Variants in ARID5B observed in about 807,000 individuals in gnomAD.
ARID5B encodes the protein AT-rich interactive domain-containing protein 5B.
Under a neutral mutation model 97.2 loss-of-function variants are expected in ARID5B, and 13 were observed. The ratio of observed to expected loss-of-function variants is 0.13; its 90% CI spans 0.09 to 0.21. The LOEUF (loss-of-function observed/expected upper bound fraction) is 0.21. Among genes scored for constraint, ARID5B ranks in the 10% least tolerant of loss-of-function variants. The pLI is 1.00. For missense variants in ARID5B, 1,210 were observed against 1,465.3 expected (o/e 0.83, Z 2.84); for synonymous variants, 556 against 570.3 (o/e 0.97, Z 0.36).
At chr10:61,940,857 G>T (rs1190728860) in intron 3 of ARID5B, among the ~76,000 whole-genome samples, 2 of 136,398 alleles carry the variant, frequency 1.5e-5, no homozygotes, top group East Asian at 4.6e-4. Flanking sequence ...CAAGCCAGGG[G>T]ATCCACTGGT....
At chr10:61,946,793 C>T (rs972858583) in intron 3 of ARID5B, among the ~76,000 whole-genome samples, 8 of 152,044 alleles carry the variant, frequency 5.3e-5, no homozygotes, top group Admixed American at 2.0e-4. Flanking sequence ...TGGTGGCATG[C>T]GCCTGTAGTC....
At chr10:61,912,072 C>T (rs1389144985) in intron 2 of ARID5B, among the ~76,000 whole-genome samples, 3 of 152,128 alleles carry the variant, frequency 2.0e-5, no homozygotes, top group South Asian at 2.1e-4. Context: ...ATGTGAAAAT[C>T]GACTCCATTG....
intron 3 of ARID5B, among the ~76,000 whole-genome samples, chr10:61,976,494 G>T (rs1838700443): frequency 6.6e-6 from 1 of 152,138 alleles, no homozygotes; most frequent in Non-Finnish European, 1.5e-5. Context: ...TCAGGAAATT[G>T]GTGTTTGGAT....
At chr10:62,066,633 T>A (rs920514053) in intron 7 of ARID5B, among the ~76,000 whole-genome samples, 1 of 152,170 alleles carries the variant, frequency 6.6e-6, no homozygotes. Flanking sequence ...GATGTTGGCT[T>A]CCTGTGGCTA....
At chr10:62,012,071 A>G (rs926136823) in intron 4 of ARID5B, among the ~76,000 whole-genome samples, 3 of 152,184 alleles carry the variant, frequency 2.0e-5, no homozygotes, top group African/African-American at 7.2e-5. Context: ...TTATGAAGTT[A>G]TTTCTATTAC....
intron 4 of ARID5B, among the ~76,000 whole-genome samples, chr10:62,027,285 C>CTTTTTTTTTTT (rs777291593): frequency 7.4e-5 from 5 of 67,370 alleles, no homozygotes; most frequent in Non-Finnish European, 1.4e-4. Flanking sequence ...ACAGTATCTC[C>CTTTTTTTTTTT]TTTTTTTTTT....
chr10:62,070,468 T>A (rs971166680), intron 8 of ARID5B, among the ~76,000 whole-genome samples: 7 of 152,258 alleles, frequency 4.6e-5, no homozygotes, highest in African/African-American at 1.7e-4. Flanking sequence ...ATTATCCCTC[T>A]ATGCTTCAAG....
Position 61,902,314 on chromosome 10 carries a change from G to C in ARID5B, c.177G>C (p.Leu59=). 6.2e-7 allele frequency: 1 copy of C among 1,614,148 alleles called. No individual in the cohort carries two copies. Among genetic ancestry groups the C allele is most frequent in the Non-Finnish European group, 8.5e-7 (1 of 1,180,034 alleles). Residue 59 remains leucine (L), a synonymous_variant, in exon 2 of 10, where the codon CTG becomes CTC. Coordinates refer to ENST00000279873, the MANE Select transcript of ARID5B (RefSeq NM_032199.3). ...CGATTTGCATAGCGGAGCTCCAGCTGTTGTGGGAAGAGAGGACCAGCCGGC... is the reference window on the plus strand; with the variant it reads ...CGATTTGCATAGCGGAGCTCCAGCTCTTGTGGGAAGAGAGGACCAGCCGGC... The part of the protein sequence containing the change: ...KDPICIAELQ[L]LWEERTSRQL...
At position 61,948,380 on chromosome 10, in the gene ARID5B, A is replaced by ATTTTTTTTTTTTTT. The variant is rs71470784; in HGVS notation, c.502+7979_502+7992dup. On this transcript the variant is annotated intron_variant, in intron 3 of 9. Transcript: ENST00000279873. Reference sequence around the variant, plus strand: ...CTTATCTTAGGATACACTTTAGGTAATTTTTTTTTTTTTTTTTTTTGAGAT... The same window carrying ATTTTTTTTTTTTTT: ...CTTATCTTAGGATACACTTTAGGTAATTTTTTTTTTTTTTTTTTTTTTTTTTTTTTTTTTGAGAT... Among the ~76,000 whole-genome samples the ATTTTTTTTTTTTTT allele has an allele frequency of 1.7e-3, 147 of 86,172 alleles. 11 individuals carry two copies. The highest frequency in any genetic ancestry group is 2.3e-3 in the Non-Finnish European group (103 of 45,628). The allele number at this position is 86,172 out of a possible 152,430, so 56.5% of individuals were successfully genotyped here. A position where few individuals can be genotyped will look rare whatever the true frequency, so the allele number is the denominator to read the frequency against.
chr10:61,997,291 C>A (rs1336692139), intron 3 of ARID5B, among the ~76,000 whole-genome samples: 1 of 151,502 alleles, frequency 6.6e-6, no homozygotes, highest in Non-Finnish European at 1.5e-5. Flanking sequence ...AAAAAGAGGT[C>A]ATTTCTAGGC....
In ARID5B at chr10:61,913,223, T is replaced by A. The variant is rs572466621; in HGVS notation, c.276+10810T>A. Among the ~76,000 whole-genome samples the A allele has an allele frequency of 3.9e-5, 6 of 152,350 alleles. No homozygotes were observed. In the South Asian group the frequency reaches 1.2e-3, roughly 32 times the overall value. On this transcript the variant is annotated intron_variant, in intron 2 of 9. Transcript: ENST00000279873. ...CTGGCTGGAACTTTGGTGTATCCAT[T>A]GGTAAAGCTGGTCTCTCTGGCTGTG...
intron 3 of ARID5B, among the ~76,000 whole-genome samples, chr10:61,975,023 G>A (rs1204896805): frequency 6.6e-6 from 1 of 151,602 alleles, no homozygotes; most frequent in African/African-American, 2.4e-5. Flanking sequence ...GCATCTCCTG[G>A]AGTGACCTTT....
Position 62,091,182 on chromosome 10 carries a change from A to T in ARID5B, c.1719A>T (p.Ser573=). The T allele has an allele frequency of 6.2e-7, 1 of 1,614,142 alleles. No homozygotes were observed. The highest frequency in any genetic ancestry group is 8.5e-7 in the Non-Finnish European group (1 of 1,180,008). ...PLTSPSALVD[S]KQESKLCCFT... ...CCTCTCCTAGTGCCCTGGTGGACTCAAAACAAGAATCCAAACTGTGCTGTT... is the reference window on the plus strand; with the variant it reads ...CCTCTCCTAGTGCCCTGGTGGACTCTAAACAAGAATCCAAACTGTGCTGTT... The change falls in exon 10 of 10, where the codon TCA becomes TCT. Residue 573 remains serine (S), a synonymous_variant. Transcript: ENST00000279873.
intron 3 of ARID5B, among the ~76,000 whole-genome samples, chr10:61,941,244 A>G (rs1156250487): frequency 2.0e-5 from 3 of 149,568 alleles, no homozygotes; most frequent in Non-Finnish European, 4.4e-5. Flanking sequence ...AATTAGTTCT[A>G]TTGCTTTTTC....
chr10:62,057,020 C>A, intron 5 of ARID5B, 97 bp from the exon 6 acceptor site: 1 of 1,142,746 alleles, frequency 8.8e-7, no homozygotes. Context: ...ACCCTTAGCA[C>A]TCACTGAAAA....
At chr10:62,008,952 C>A (rs924394256) in intron 4 of ARID5B, among the ~76,000 whole-genome samples, 2 of 152,092 alleles carry the variant, frequency 1.3e-5, no homozygotes, top group African/African-American at 4.8e-5. Context: ...GGTCTAATTT[C>A]AAAAAAATGA....
intron 2 of ARID5B, among the ~76,000 whole-genome samples, chr10:61,915,561 G>A (rs1186891772): frequency 2.6e-5 from 4 of 152,300 alleles, no homozygotes; most frequent in African/African-American, 7.2e-5. Context: ...TGGTGAATTC[G>A]TAGCCAGGTT....
chr10:62,034,015 A>T (rs1839529948), intron 4 of ARID5B, among the ~76,000 whole-genome samples: 1 of 152,212 alleles, frequency 6.6e-6, no homozygotes, highest in East Asian at 1.9e-4. Context: ...GGAAGGAAAG[A>T]TGACATATCT....
intron 3 of ARID5B, among the ~76,000 whole-genome samples, chr10:61,994,081 T>G (rs2132859329): frequency 6.6e-6 from 1 of 152,300 alleles, no homozygotes; most frequent in East Asian, 1.9e-4. Context: ...AGTGAAAATC[T>G]TTAAATGTTT....
Sources: gnomAD v4.1 joint callset for allele counts (sites outside exome capture counted in the v4.1 genomes callset) on GRCh38, gnomAD v4.1.1 for gene constraint, MANE v1.5 for transcripts, NCBI Gene and HGNC (gene_info 2026-07-23, HGNC 2026-07-21) for gene names.